The following ACAD8 variants were observed in gnomAD, a reference collection of about 807,000 sequenced individuals.
ACAD8 encodes the protein isobutyryl-CoA dehydrogenase, mitochondrial.
In ACAD8, 47 loss-of-function variants were observed where a neutral mutation model predicts 53.1. The ratio of observed to expected loss-of-function variants is 0.89; its 90% CI spans 0.70 to 1.13. The LOEUF (loss-of-function observed/expected upper bound fraction) is 1.13. Ranked by LOEUF, ACAD8 falls within the 50% of genes most tolerant of loss-of-function variation. ACAD8 has a pLI of 0.00. For synonymous variants in ACAD8, 198 were observed against 201.3 expected, an observed-to-expected ratio of 0.98 and a Z score of 0.14; for missense variants, 494 against 535.0, an observed-to-expected ratio of 0.92 and a Z score of 0.76.
At chr11:134,254,079 T>C (rs1288619257) in intron 1 of ACAD8, among the ~76,000 whole-genome samples, 1 of 151,726 alleles carries the variant, frequency 6.6e-6, no homozygotes, top group Non-Finnish European at 1.5e-5. Flanking sequence ...CCGGCCCGGG[T>C]CCTCCTGCGG....
At position 134,265,121 on chromosome 11, in the gene ACAD8, T is replaced by C; in HGVS notation, c.*161T>C. 1 of 746,830 alleles carries C rather than the reference T, an allele frequency of 1.3e-6. No homozygotes were observed. The allele number at this position is 746,830 out of a possible 1,614,324, so 46.3% of individuals were successfully genotyped here. A position where few individuals can be genotyped will look rare whatever the true frequency, so the allele number is the denominator to read the frequency against. On this transcript the variant is annotated 3_prime_UTR_variant, in exon 11 of 11. Transcript: ENST00000281182. ...TGTGTGTTGGCACCAGCATCGGGTCTTGGACTGGGGCAGAATCCCCAGTGG... is the reference window on the plus strand; with the variant it reads ...TGTGTGTTGGCACCAGCATCGGGTCCTGGACTGGGGCAGAATCCCCAGTGG...
rs1259505361 is a variant in ACAD8, at chr11:134,262,633, C to T, written c.1195+11C>T. 4 of 1,608,878 alleles carry T rather than the reference C, an allele frequency of 2.5e-6. No individual in the cohort carries two copies. Among genetic ancestry groups the T allele is most frequent in the African/African-American group, 1.3e-5 (1 of 74,936 alleles). ...ACCAGATTCTAGAAGGTAAAAATTGCCAGAGGTTATTCTCTTCCCTTCAGA... is the reference window on the plus strand; with the variant it reads ...ACCAGATTCTAGAAGGTAAAAATTGTCAGAGGTTATTCTCTTCCCTTCAGA... On this transcript the variant is annotated intron_variant, in intron 10 of 10. Transcript: ENST00000281182.
rs1939266521 is a variant in ACAD8 at position 134,253,723 on chromosome 11, G to A, written c.109+14G>A. On this transcript the variant is annotated intron_variant, in intron 1 of 10. Coordinates refer to ENST00000281182, the MANE Select transcript of ACAD8 (RefSeq NM_014384.3). ...CCTGCATCGACCGTAAGGATCTCCT[G>A]GCGGGCAGTAGGACAGGTGTCCAGA... 1 of 1,581,246 alleles carries A rather than the reference G, an allele frequency of 6.3e-7. No homozygotes were observed. Among genetic ancestry groups the A allele is most frequent in the African/African-American group, 1.3e-5 (1 of 74,290 alleles).
At chr11:134,259,283 T>G (rs1279766683) in intron 5 of ACAD8, 199 bp downstream of exon 5, 12 of 710,600 alleles carry the variant, frequency 1.7e-5, no homozygotes, top group Non-Finnish European at 2.8e-5. Flanking sequence ...TTTCGTTGAC[T>G]TTTGTCTATC....
At chr11:134,254,577 G>A (rs1939366682) in intron 1 of ACAD8, among the ~76,000 whole-genome samples, 1 of 152,182 alleles carries the variant, frequency 6.6e-6, no homozygotes, top group African/African-American at 2.4e-5. Flanking sequence ...AGTACAGTAA[G>A]GCATAGAATA....
intron 1 of ACAD8, among the ~76,000 whole-genome samples, chr11:134,254,950 T>C (rs1939412156): frequency 1.3e-5 from 2 of 152,214 alleles, no homozygotes; most frequent in Non-Finnish European, 2.9e-5. Context: ...AACTTGTGTT[T>C]ACTTATGCAT....
rs747471666 is a variant in ACAD8 at position 134,257,071 on chromosome 11, C to T, written c.211-17C>T. 1 of 1,614,116 alleles carries T rather than the reference C, an allele frequency of 6.2e-7. No homozygotes were observed. The highest frequency in any genetic ancestry group is 1.7e-4 in the Middle Eastern group (1 of 6,058). On this transcript the variant is annotated splice_polypyrimidine_tract_variant and intron_variant, in intron 2 of 10. Coordinates refer to ENST00000281182, the MANE Select transcript of ACAD8 (RefSeq NM_014384.3). The stretch of plus-strand genomic sequence containing the variant: ...TCTGAATCAGCTGCTGATCACCCTG[C>T]TCTCTTTTGTACATAGGAGCTGTTC...
intron 1 of ACAD8, among the ~76,000 whole-genome samples, chr11:134,254,753 G>T (rs1302241809): frequency 6.6e-6 from 1 of 152,214 alleles, no homozygotes; most frequent in African/African-American, 2.4e-5. Flanking sequence ...GAGTGGCTCT[G>T]CAGTCAAAGG....
chr11:134,262,825 G>T (rs1939970946), intron 10 of ACAD8: 2 of 1,455,458 alleles, frequency 1.4e-6, no homozygotes, highest in South Asian at 1.2e-5. Flanking sequence ...CTTTCGGGGG[G>T]CCTCAGATCG....
At chr11:134,254,851 A>G (rs1939401717) in intron 1 of ACAD8, among the ~76,000 whole-genome samples, 1 of 152,176 alleles carries the variant, frequency 6.6e-6, no homozygotes, top group South Asian at 2.1e-4. Context: ...GCTAGTAACT[A>G]TGTATTGGCA....
chr11:134,257,402 A>G, intron 3 of ACAD8, 145 bp downstream of exon 3: 4 of 1,067,740 alleles, frequency 3.7e-6, no homozygotes, highest in South Asian at 2.8e-5. Context: ...GGCCGGGCGC[A>G]GTGGCTCGTG....
rs1939883902 is a variant in ACAD8, at chr11:134,261,606, G to T, written c.940-132G>T. 1 of 1,551,636 alleles carries T rather than the reference G, an allele frequency of 6.4e-7. No individual in the cohort carries two copies. The highest frequency in any genetic ancestry group is 1.2e-5 in the South Asian group (1 of 84,662). ...TTAAAAGCAATAAATTTCCTCTATA[G>T]AAAAAGCAAGAGACTTTGAAGCTTT... On this transcript the variant is annotated intron_variant, in intron 8 of 10. Transcript: ENST00000281182. The surrounding 1 kb of genome is among the most constrained non-coding windows in gnomAD (Gnocchi z 4.2).
chr11:134,256,940 T>C (rs559802010), intron 2 of ACAD8, 148 bp from the exon 3 acceptor site: 2 of 874,742 alleles, frequency 2.3e-6, no homozygotes, highest in East Asian at 5.1e-5. Context: ...CCATGTTAAC[T>C]GATAACCACT....
In ACAD8 at chr11:134,261,233, G is replaced by GTTTTCCAGCT. The variant is rs1385040832; in HGVS notation, c.842-40_842-31dup. 6.2e-7 allele frequency: 1 copy of GTTTTCCAGCT among 1,614,126 alleles called. No individual in the cohort carries two copies. Among genetic ancestry groups the GTTTTCCAGCT allele is most frequent in the South Asian group, 1.1e-5 (1 of 91,080 alleles). ...GTAGCGGTCCGGGACAGGCACTGCT[G>GTTTTCCAGCT]TTTTCCAGCTTGGTTGGAACGTCGG... On this transcript the variant is annotated intron_variant, in intron 7 of 10. Coordinates refer to ENST00000281182, the MANE Select transcript of ACAD8 (RefSeq NM_014384.3). The surrounding 1 kb of genome is among the most constrained non-coding windows in gnomAD (Gnocchi z 4.2).
Position 134,257,263 on chromosome 11 carries a change from T to G in ACAD8, c.380+6T>G, listed in dbSNP as rs1304989976. ...GCCTATATAAGCATCCACAAGTGAG[T>G]GCCCAAGCTTGGAAGGCACAATGAA... On this transcript the variant is annotated splice_donor_region_variant and intron_variant, in intron 3 of 10. Coordinates refer to ENST00000281182, the MANE Select transcript of ACAD8 (RefSeq NM_014384.3). The G allele has an allele frequency of 1.8e-5, 29 of 1,614,060 alleles. No individual in the cohort carries two copies. Among genetic ancestry groups the G allele is most frequent in the Non-Finnish European group, 2.5e-5 (29 of 1,180,028 alleles).
Position 134,265,123 on chromosome 11 carries a change from G to T in ACAD8, c.*163G>T. On this transcript the variant is annotated 3_prime_UTR_variant, in exon 11 of 11. Transcript: ENST00000281182. ...TGTGTTGGCACCAGCATCGGGTCTT[G>T]GACTGGGGCAGAATCCCCAGTGGAA... The T allele has an allele frequency of 1.4e-6, 1 of 728,288 alleles. No homozygotes were observed. 45.1% of individuals were successfully genotyped at this position (728,288 alleles called of 1,614,324 possible).
intron 2 of ACAD8, chr11:134,256,858 G>T: frequency 1.5e-6 from 1 of 659,344 alleles, no homozygotes; most frequent in Non-Finnish European, 2.6e-6. Flanking sequence ...TAAAGATTTG[G>T]ATATAAAACT....
chr11:134,258,689 C>G, intron 4 of ACAD8, 65 bp downstream of exon 4: 1 of 1,193,196 alleles, frequency 8.4e-7, no homozygotes, highest in Admixed American at 1.9e-5. Context: ...ATGGCATTAC[C>G]GAGCACTCCT....
chr11:134,263,774 A>T, intron 10 of ACAD8: 1 of 985,440 alleles, frequency 1.0e-6, no homozygotes, highest in Non-Finnish European at 1.2e-6. Context: ...AGGCCACACC[A>T]TCACCCACTT....
Sources: gnomAD v4.1 joint callset for allele counts (sites outside exome capture counted in the v4.1 genomes callset) on GRCh38, gnomAD v4.1.1 for gene constraint, Gnocchi (gnomAD v3.1) non-coding constraint, MANE v1.5 for transcripts, NCBI Gene and HGNC (gene_info 2026-07-23, HGNC 2026-07-21) for gene names.